Variants in BRINP1 observed in about 807,000 individuals in gnomAD.
The protein encoded by BRINP1 is BMP/retinoic acid inducible neural specific 1.
BRINP1 carries 17 observed loss-of-function variants against 72.9 expected under a neutral mutation model. That is an observed-to-expected ratio of 0.23 (90% CI 0.16 to 0.35). The LOEUF is 0.35. Among genes scored for constraint, BRINP1 ranks in the 10% least tolerant of loss-of-function variants. The pLI, the probability that BRINP1 is intolerant of heterozygous loss-of-function variation, is 1.00. For missense variants in BRINP1, 850 were observed against 1,001.6 expected (o/e 0.85, Z 2.04); for synonymous variants, 418 against 378.5 (o/e 1.10, Z -1.21).
At chr9:119,345,472 A>C (rs1395074615) in intron 1 of BRINP1, among the ~76,000 whole-genome samples, 1 of 152,186 alleles carries the variant, frequency 6.6e-6, no homozygotes, top group East Asian at 1.9e-4. Flanking sequence ...GAGGAAAATA[A>C]GTGGCTCCAA....
At chr9:119,259,501 A>G (rs1830478015) in intron 2 of BRINP1, among the ~76,000 whole-genome samples, 1 of 152,230 alleles carries the variant, frequency 6.6e-6, no homozygotes, top group African/African-American at 2.4e-5. Flanking sequence ...CAAACTGCAT[A>G]TAAATAAAAT....
chr9:119,214,744 T>G (rs1272847384), intron 5 of BRINP1, among the ~76,000 whole-genome samples: 1 of 152,078 alleles, frequency 6.6e-6, no homozygotes. Context: ...CAAATAACAT[T>G]GTTTAGATAG....
chr9:119,293,359 A>G (rs1222752350), intron 2 of BRINP1, among the ~76,000 whole-genome samples: 2 of 151,952 alleles, frequency 1.3e-5, no homozygotes, highest in Non-Finnish European at 2.9e-5. Context: ...ATCTTTATGT[A>G]TGGATAAGGA....
At chr9:119,177,158 A>AGTT (rs1829498809) in intron 7 of BRINP1, among the ~76,000 whole-genome samples, 1 of 152,124 alleles carries the variant, frequency 6.6e-6, no homozygotes, top group South Asian at 2.1e-4. Context: ...TTTTCTTGTT[A>AGTT]GTTTTCATTT....
At chr9:119,171,351 A>T (rs1273776144) in intron 7 of BRINP1, among the ~76,000 whole-genome samples, 2 of 124,906 alleles carry the variant, frequency 1.6e-5, no homozygotes, top group South Asian at 6.1e-4. Context: ...GATAAAACAG[A>T]CTTTAAACCA....
intron 7 of BRINP1, among the ~76,000 whole-genome samples, chr9:119,187,705 A>G (rs1395006269): frequency 1.3e-5 from 2 of 152,234 alleles, no homozygotes; most frequent in Non-Finnish European, 2.9e-5. Context: ...TTATCCAATA[A>G]CAAATCCTCC....
intron 2 of BRINP1, among the ~76,000 whole-genome samples, chr9:119,293,492 A>T (rs562602565): frequency 1.1e-3 from 168 of 152,352 alleles, no homozygotes; most frequent in African/African-American, 4.0e-3. Flanking sequence ...AGTGATAATA[A>T]GGGACCCATG....
At chr9:119,269,228 TATTATTTTTAC>T (rs1292763168) in intron 2 of BRINP1, among the ~76,000 whole-genome samples, 28 of 152,338 alleles carry the variant, frequency 1.8e-4, no homozygotes, top group Middle Eastern at 3.4e-3. Context: ...CCTAAATCAC[TATTATTTTTAC>T]ACATGGGCTT....
intron 2 of BRINP1, among the ~76,000 whole-genome samples, chr9:119,279,601 T>C (rs1830688383): frequency 6.6e-6 from 1 of 152,248 alleles, no homozygotes; most frequent in African/African-American, 2.4e-5. Flanking sequence ...AGCCAAAGCC[T>C]CGTTCACATT....
intron 2 of BRINP1, among the ~76,000 whole-genome samples, chr9:119,258,175 T>C (rs371516076): frequency 6.6e-6 from 1 of 152,146 alleles, no homozygotes; most frequent in Admixed American, 6.5e-5. Context: ...GCCAGCCTCA[T>C]AGCAGTTCTG....
chr9:119,232,145 T>G (rs766996379), intron 5 of BRINP1, among the ~76,000 whole-genome samples: 1 of 152,180 alleles, frequency 6.6e-6, no homozygotes, highest in Non-Finnish European at 1.5e-5. Context: ...AGGCAAAACT[T>G]TGGGGTCATC....
rs1198749559 is a variant in BRINP1 at position 119,273,835 on chromosome 9, G to A, written c.219-24685C>T. ...ATGCAAAAGTATCAGGTTCAGAGAG[G>A]TTATGTTCCTTGTCCACGTTCACCC... is the stretch of plus-strand genomic sequence containing the variant. On this transcript the variant is annotated intron_variant, in intron 2 of 7. Transcript: ENST00000265922. Among the ~76,000 whole-genome samples, 6 of 152,176 alleles carry A rather than the reference G, an allele frequency of 3.9e-5. No homozygotes were observed. In the East Asian group the frequency reaches 9.6e-4, roughly 24 times the overall value.
chr9:119,278,611 T>C lies in BRINP1; in HGVS notation c.219-29461A>G, dbSNP rs79984517. The stretch of plus-strand genomic sequence containing the variant: ...TTTTTTTAAAACAACTTAAAGCAGC[T>C]GGGCGCGGTGGCTCGCGCCTGTAAT... On this transcript the variant is annotated intron_variant, in intron 2 of 7. Transcript: ENST00000265922. Among the ~76,000 whole-genome samples the C allele has an allele frequency of 3.7e-3, 571 of 152,288 alleles. 4 individuals carry two copies. The highest frequency in any genetic ancestry group is 0.013 in the African/African-American group (544 of 41,574).
rs183505035 is a variant in BRINP1 at position 119,301,232 on chromosome 9, A to G, written c.218+11906T>C. Among the ~76,000 whole-genome samples the G allele has an allele frequency of 7.8e-4, 119 of 152,296 alleles. 1 individual carries two copies. In the East Asian group the frequency reaches 0.017, roughly 21 times the overall value. On this transcript the variant is annotated intron_variant, in intron 2 of 7. Transcript: ENST00000265922. ...GCTCCCCATATTAATGAAAAGCACC[A>G]TCACCCACCCAGCTGACCAAGTTAA...
In BRINP1 at chr9:119,208,772, G is replaced by T. The variant is rs764461621; in HGVS notation, c.1092C>A (p.Phe364Leu). The T allele has an allele frequency of 5.0e-6, 8 of 1,613,872 alleles. No homozygotes were observed. In the Admixed American group the frequency reaches 1.2e-4, roughly 24 times the overall value. ...QKIQRTARKLFGLSVRCRHNP... is the reference protein window; with the variant it reads ...QKIQRTARKLLGLSVRCRHNP... ...TGTGGCGACAGCGTACACTGAGGCC[G>T]AAAAGCTTGCGGGCAGTGCGTTGGA... Residue 364 changes from phenylalanine (F) to leucine (L), a missense_variant, in exon 7 of 8, where the codon TTC (phenylalanine) becomes TTA (leucine). Physicochemically the swap from Phe to Leu is conservative, Grantham distance 22. Coordinates refer to ENST00000265922, the MANE Select transcript of BRINP1 (RefSeq NM_014618.3).
At chr9:119,285,578 C>A (rs993006024) in intron 2 of BRINP1, among the ~76,000 whole-genome samples, 2 of 152,186 alleles carry the variant, frequency 1.3e-5, no homozygotes, top group African/African-American at 4.8e-5. Context: ...CTCAACATAA[C>A]CCTTAATCTA....
chr9:119,320,443 G>C (rs1398694129), intron 1 of BRINP1, among the ~76,000 whole-genome samples: 1 of 152,190 alleles, frequency 6.6e-6, no homozygotes, highest in Non-Finnish European at 1.5e-5. Flanking sequence ...ATAGTGGACA[G>C]AACAGCCAGG....
intron 7 of BRINP1, 48 bp downstream of exon 7, chr9:119,208,671 T>C (rs1383745586): frequency 1.3e-6 from 2 of 1,562,528 alleles, no homozygotes; most frequent in Admixed American, 3.4e-5. Flanking sequence ...ATAATGTAGC[T>C]AACGCCAGGT....
intron 2 of BRINP1, among the ~76,000 whole-genome samples, chr9:119,295,431 G>A (rs532007692): frequency 6.6e-6 from 1 of 152,268 alleles, no homozygotes; most frequent in East Asian, 1.9e-4. Context: ...CTATAGCATA[G>A]CCTATTGCTC....
Sources: allele counts gnomAD v4.1 joint callset (sites outside exome capture counted in the v4.1 genomes callset), GRCh38; gene constraint gnomAD v4.1.1; transcripts MANE v1.5; gene names NCBI Gene and HGNC (gene_info 2026-07-23, HGNC 2026-07-21).